The following TRPC5 variants were observed in gnomAD, a reference collection of about 807,000 sequenced individuals.
TRPC5 encodes the protein short transient receptor potential channel 5.
In TRPC5, 9 loss-of-function variants were observed where a neutral mutation model predicts 56.5. The ratio of observed to expected loss-of-function variants is 0.16; its 90% CI spans 0.10 to 0.28. The LOEUF is 0.28. Among genes scored for constraint, TRPC5 ranks in the 10% least tolerant of loss-of-function variants. The pLI, the probability that TRPC5 is intolerant of heterozygous loss-of-function variation, is 1.00. For missense variants in TRPC5, 469 were observed against 748.9 expected (o/e 0.63, Z 4.36); for synonymous variants, 282 against 278.5 (o/e 1.01, Z -0.13).
At chrX:111,825,211 CTT>C (rs770324419) in intron 7 of TRPC5, among the ~76,000 whole-genome samples, 5 of 57,063 alleles carry the variant, frequency 8.8e-5, no homozygotes, top group East Asian at 1.1e-3. Flanking sequence ...TTCTTTCTTT[CTT>C]TCTTTCTTCT....
chrX:112,045,473 C>A (rs1160906705), intron 1 of TRPC5, among the ~76,000 whole-genome samples: 1 of 111,680 alleles, frequency 9.0e-6, no homozygotes, highest in African/African-American at 3.3e-5. Flanking sequence ...AACTGTGAGA[C>A]AATAAATTTA....
intron 7 of TRPC5, among the ~76,000 whole-genome samples, chrX:111,794,068 G>A (rs755665113): frequency 9.0e-6 from 1 of 111,702 alleles, no homozygotes; most frequent in South Asian, 3.8e-4. Context: ...GGAATAGGGG[G>A]TATGGGGCTT....
At chrX:111,909,574 A>G (rs780064351) in intron 3 of TRPC5, among the ~76,000 whole-genome samples, 2 of 110,642 alleles carry the variant, frequency 1.8e-5, no homozygotes, top group African/African-American at 3.3e-5. Context: ...ATATCTTACC[A>G]CAATAAAAAG....
At chrX:111,831,014 G>A (rs1358247847) in intron 7 of TRPC5, among the ~76,000 whole-genome samples, 2 of 112,437 alleles carry the variant, frequency 1.8e-5, no homozygotes, top group Non-Finnish European at 3.8e-5. Flanking sequence ...GAGTATTAGA[G>A]TGGGGAATCT....
chrX:111,952,485 T>C, intron 1 of TRPC5, 44 bp from the exon 2 acceptor site: 1 of 1,142,421 alleles, frequency 8.8e-7, no homozygotes. Context: ...CTTAGATACG[T>C]GGAGGTCTCA....
At chrX:111,819,655 C>G (rs918618323) in intron 7 of TRPC5, among the ~76,000 whole-genome samples, 1 of 111,835 alleles carries the variant, frequency 8.9e-6, no homozygotes, top group Non-Finnish European at 1.9e-5. Flanking sequence ...CCGTCCTCAC[C>G]TGGAATTCTT....
In TRPC5 at chrX:111,944,303, T is replaced by TGTGTGTGTGTGAGAAAGA. The variant is rs1173179815; in HGVS notation, c.378+7739_378+7740insTCTTTCTCACACACACAC. 2.1e-4 allele frequency among the ~76,000 whole-genome samples: 13 copies of TGTGTGTGTGTGAGAAAGA among 61,371 alleles called. 1 individual carries two copies. The highest frequency in any genetic ancestry group is 1.3e-3 in the African/African-American group (12 of 9,473). The allele number at this position is 61,371 out of a possible 115,157, so 53.3% of individuals were successfully genotyped here. A position where few individuals can be genotyped will look rare whatever the true frequency, so the allele number is the denominator to read the frequency against. ...GTGTGTGTGTGTGTGTGTGTGTGTG[T>TGTGTGTGTGTGAGAAAGA]GAGAGAGAGAGAGAGAGAGAGAGAG... On this transcript the variant is annotated intron_variant, in intron 2 of 10. Coordinates refer to ENST00000262839, the MANE Select transcript of TRPC5 (RefSeq NM_012471.3).
In TRPC5 at chrX:111,773,603, T is replaced by C. The variant is rs1945856602; in HGVS notation, c.*2710A>G. Among the ~76,000 whole-genome samples the C allele has an allele frequency of 9.0e-6, 1 of 111,649 alleles. No individual in the cohort carries two copies. Among genetic ancestry groups the C allele is most frequent in the Non-Finnish European group, 1.9e-5 (1 of 53,147 alleles). On this transcript the variant is annotated 3_prime_UTR_variant, in exon 11 of 11. Transcript: ENST00000262839. ...ACTTCACATCTATATATAACATATA[T>C]GCTTACTAATAAATGTCTTCTATAA...
At chrX:111,922,840 A>G (rs1356862763) in intron 2 of TRPC5, among the ~76,000 whole-genome samples, 1 of 112,055 alleles carries the variant, frequency 8.9e-6, no homozygotes, top group East Asian at 2.8e-4. Flanking sequence ...GATCAATTAT[A>G]TATATAAAAC....
chrX:111,903,431 G>A (rs977766722), intron 3 of TRPC5: 16 of 112,285 alleles, frequency 1.4e-4, no homozygotes, highest in African/African-American at 4.5e-4. Flanking sequence ...TTCTAAACAG[G>A]TTTATGAACA....
chrX:112,017,592 G>C (rs1232955919), intron 1 of TRPC5, among the ~76,000 whole-genome samples: 3 of 110,837 alleles, frequency 2.7e-5, no homozygotes, highest in African/African-American at 9.8e-5. Flanking sequence ...AATGTAGAAA[G>C]AAGCAGAGCT....
chrX:111,963,938 C>G (rs1252650449), intron 1 of TRPC5, among the ~76,000 whole-genome samples: 1 of 112,177 alleles, frequency 8.9e-6, no homozygotes, highest in Non-Finnish European at 1.9e-5. Context: ...CAAAGGAACG[C>G]AGCTCCTCAC....
chrX:112,032,084 A>C (rs909683496), intron 1 of TRPC5, among the ~76,000 whole-genome samples: 10 of 111,195 alleles, frequency 9.0e-5, no homozygotes, highest in African/African-American at 3.3e-4. Context: ...AATAGGCAAA[A>C]GAGCTGAATA....
chrX:111,833,485 A>G (rs757772135), intron 7 of TRPC5, among the ~76,000 whole-genome samples: 2 of 111,450 alleles, frequency 1.8e-5, no homozygotes, highest in Admixed American at 1.9e-4. Flanking sequence ...CCTAATATCT[A>G]AACTATCCTA....
chrX:112,033,894 A>G (rs1197886532), intron 1 of TRPC5, among the ~76,000 whole-genome samples: 1 of 111,808 alleles, frequency 8.9e-6, no homozygotes, highest in Non-Finnish European at 1.9e-5. Flanking sequence ...TCAATAAAAA[A>G]GAGAAGGCTA....
At chrX:111,777,089 G>A (rs1945885008) in intron 10 of TRPC5, 87 bp from the exon 11 acceptor site, 6 of 769,927 alleles carry the variant, frequency 7.8e-6, no homozygotes, top group Non-Finnish European at 1.1e-5. Flanking sequence ...TATGTTCCAG[G>A]TTTTTGCCTA....
intron 2 of TRPC5, among the ~76,000 whole-genome samples, chrX:111,938,328 T>C (rs1355385918): frequency 2.0e-4 from 20 of 98,272 alleles, no homozygotes. Flanking sequence ...CCTAATTGAA[T>C]ACCCTTTATT....
chrX:111,952,527 G>T lies in TRPC5; in HGVS notation c.-21-86C>A, dbSNP rs1408869127. ...CAGTTATGGAGGCAGCCCTGCTAAG[G>T]GGTTAGAAAATCCTAAACTACTTCA... On this transcript the variant is annotated intron_variant, in intron 1 of 10. Transcript: ENST00000262839. The T allele has an allele frequency of 4.2e-6, 4 of 947,766 alleles. No individual in the cohort carries two copies. The African/African-American group carries it at 5.9e-5, about 14-fold the overall frequency. The allele number at this position is 947,766 out of a possible 1,213,427, so 78.1% of individuals were successfully genotyped here.
intron 6 of TRPC5, among the ~76,000 whole-genome samples, chrX:111,845,390 C>T (rs1186908708): frequency 8.9e-6 from 1 of 111,879 alleles, no homozygotes; most frequent in Non-Finnish European, 1.9e-5. Flanking sequence ...CATGACAATG[C>T]TTCTTCACAC....
Sources: allele counts gnomAD v4.1 joint callset (sites outside exome capture counted in the v4.1 genomes callset), GRCh38; gene constraint gnomAD v4.1.1; transcripts MANE v1.5; gene names NCBI Gene and HGNC (gene_info 2026-07-23, HGNC 2026-07-21).